SPATA13: variants seen among roughly 807,000 people sequenced by gnomAD.
SPATA13 encodes the protein spermatogenesis associated 13.
Under a neutral mutation model 104.0 loss-of-function variants are expected in SPATA13, and 50 were observed. That is an observed-to-expected ratio of 0.48 (90% CI 0.38 to 0.61). The LOEUF is 0.61. Ranked by LOEUF, SPATA13 falls within the 20% of genes least tolerant of loss-of-function variation. The probability of loss-of-function intolerance (pLI) is 0.00; values close to 1 mark genes in which losing one functional copy is unlikely to be tolerated. For synonymous variants in SPATA13, 606 were observed against 667.5 expected (o/e 0.91, Z 1.42); for missense variants, 1,524 against 1,690.6 (o/e 0.90, Z 1.73).
chr13:24,021,698 T>G (rs1407597851), intron 3 of SPATA13, among the ~76,000 whole-genome samples: 1 of 151,562 alleles, frequency 6.6e-6, no homozygotes, highest in South Asian at 2.1e-4. Flanking sequence ...TCATACTCTG[T>G]GAAGGTTGTT....
chr13:23,988,176 C>T (rs1875241992), intron 2 of SPATA13, among the ~76,000 whole-genome samples: 1 of 152,086 alleles, frequency 6.6e-6, no homozygotes, highest in African/African-American at 2.4e-5. Flanking sequence ...AACTCCTGAC[C>T]CCTCAGGTGA....
intron 3 of SPATA13, among the ~76,000 whole-genome samples, chr13:24,135,285 A>T (rs982869527): frequency 6.6e-6 from 1 of 152,220 alleles, no homozygotes; most frequent in African/African-American, 2.4e-5. Context: ...AAGAGACAGT[A>T]CAACAATTTT....
intron 3 of SPATA13, among the ~76,000 whole-genome samples, chr13:24,130,880 C>G (rs946302816): frequency 6.6e-6 from 1 of 152,120 alleles, no homozygotes; most frequent in East Asian, 1.9e-4. Flanking sequence ...TGTAAGGAGC[C>G]GGGAATCTCT....
At chr13:24,188,604 G>C (rs1425851237) in intron 1 of SPATA13, among the ~76,000 whole-genome samples, 1 of 152,216 alleles carries the variant, frequency 6.6e-6, no homozygotes, top group Non-Finnish European at 1.5e-5. Context: ...AGCCATCTCT[G>C]TAACATAAGT....
intron 3 of SPATA13, among the ~76,000 whole-genome samples, chr13:24,097,020 A>C (rs1246751364): frequency 1.3e-5 from 2 of 152,248 alleles, no homozygotes; most frequent in Non-Finnish European, 2.9e-5. Flanking sequence ...CAAGGAGCCT[A>C]GTTAGAGGTG....
chr13:24,204,283 C>T (rs988780672), intron 1 of SPATA13, among the ~76,000 whole-genome samples: 1 of 152,100 alleles, frequency 6.6e-6, no homozygotes. Context: ...GATGAAAAAT[C>T]TGAAGAAACA....
At chr13:23,998,414 C>T (rs1875794198) in intron 2 of SPATA13, among the ~76,000 whole-genome samples, 1 of 152,044 alleles carries the variant, frequency 6.6e-6, no homozygotes, top group Admixed American at 6.5e-5. Flanking sequence ...CCATTTTTAT[C>T]AGGTTGTTTT....
chr13:24,135,804 G>A lies in SPATA13; in HGVS notation c.-111-87015G>A, dbSNP rs528746858. ...TACTGCTGGGTGAGGGGAACTGTAAGGAAATGCCAGTGTATTTACTGAAAG... is the reference window on the plus strand; with the variant it reads ...TACTGCTGGGTGAGGGGAACTGTAAAGAAATGCCAGTGTATTTACTGAAAG... On this transcript the variant is annotated intron_variant, in intron 3 of 14. Transcript: ENST00000424834. Among the ~76,000 whole-genome samples, 9 of 152,126 alleles carry A rather than the reference G, an allele frequency of 5.9e-5. No individual in the cohort carries two copies. In the East Asian group the frequency reaches 1.4e-3, roughly 23 times the overall value.
chr13:24,154,443 T>A (rs767140809), intron 3 of SPATA13, among the ~76,000 whole-genome samples: 36 of 152,202 alleles, frequency 2.4e-4, no homozygotes, highest in Admixed American at 1.3e-3. Flanking sequence ...CCTGCATGAC[T>A]CCATTTATAT....
intron 3 of SPATA13, among the ~76,000 whole-genome samples, chr13:24,119,773 G>A (rs76014198): frequency 0.022 from 3,282 of 152,264 alleles, 84 homozygotes; most frequent in East Asian, 0.097. Context: ...GCCAAGGAAG[G>A]AAGCCTGGGA....
intron 3 of SPATA13, among the ~76,000 whole-genome samples, chr13:24,127,223 C>T (rs1881247706): frequency 1.3e-5 from 2 of 152,112 alleles, no homozygotes; most frequent in African/African-American, 2.4e-5. Context: ...CAGAGCTTAC[C>T]CAGGCTGGTA....
chr13:24,209,761 C>A (rs1018218130), intron 1 of SPATA13, among the ~76,000 whole-genome samples: 2 of 151,768 alleles, frequency 1.3e-5, no homozygotes, highest in African/African-American at 4.9e-5. Flanking sequence ...GTGTTGATTT[C>A]GTTTTTTTGG....
intron 1 of SPATA13, among the ~76,000 whole-genome samples, chr13:24,210,085 C>G (rs1330708803): frequency 1.3e-5 from 2 of 151,962 alleles, no homozygotes; most frequent in African/African-American, 4.8e-5. Context: ...ATGTTCAGTT[C>G]CTTTGTACAT....
Position 24,294,844 on chromosome 13 carries a change from G to T in SPATA13, c.3186G>T (p.Trp1062Cys). Residue 1062 changes from tryptophan to cysteine, a missense_variant, in exon 10 of 13, where the codon TGG becomes TGT. Physicochemically the swap from Trp to Cys is radical, Grantham distance 215. Around this residue, in one of 2 missense-constraint regions of SPATA13, gnomAD observed 435 missense variants for 554.8 expected, o/e 0.78. Coordinates refer to ENST00000382108, the MANE Select transcript of SPATA13 (RefSeq NM_001166271.3). Reference protein sequence around the residue: ...KLESIDKIARWQVSIVGWEGL... With the variant: ...KLESIDKIARCQVSIVGWEGL... ...AGAGCATCGACAAGATAGCTCGCTG[G>T]CAGGTGTCTATCGTGGGCTGGGAGG... The T allele has an allele frequency of 1.2e-6, 2 of 1,610,416 alleles. No individual in the cohort carries two copies. Among genetic ancestry groups the T allele is most frequent in the Non-Finnish European group, 1.7e-6 (2 of 1,176,792 alleles).
At chr13:24,036,244 C>T (rs1250948410) in intron 3 of SPATA13, among the ~76,000 whole-genome samples, 1 of 152,114 alleles carries the variant, frequency 6.6e-6, no homozygotes, top group African/African-American at 2.4e-5. Flanking sequence ...GTAGGAACGA[C>T]AGTGTTTTGG....
chr13:24,222,228 T>C (rs7318203), intron 1 of SPATA13, among the ~76,000 whole-genome samples: 47,236 of 152,096 alleles, frequency 0.31, 7,508 homozygotes, highest in East Asian at 0.5. Flanking sequence ...ATGTCCTTGC[T>C]GAGTCCTTCC....
intron 2 of SPATA13, among the ~76,000 whole-genome samples, chr13:23,987,077 G>GTGTGGCCAGAGTAGCC: frequency 6.7e-6 from 1 of 149,542 alleles, no homozygotes; most frequent in Admixed American, 6.7e-5. Context: ...CCCATAGGCA[G>GTGTGGCCAGAGTAGCC]TGGATTGATA....
intron 7 of SPATA13, 53 bp downstream of exon 7, chr13:24,287,003 G>C: frequency 4.5e-6 from 7 of 1,543,322 alleles, no homozygotes; most frequent in Non-Finnish European, 6.2e-6. Context: ...GGCTGCATGA[G>C]GTGCCTGGGC....
In SPATA13 at chr13:24,058,476, G is replaced by A. The variant is rs186015416; in HGVS notation, c.-112+40775G>A. On this transcript the variant is annotated intron_variant, in intron 3 of 14. Transcript: ENST00000424834. ...TTTGCCTTGGGTGATTACTGTATAC[G>A]GGACAAAGGAACAGCTCACACATGT... Among the ~76,000 whole-genome samples the A allele has an allele frequency of 1.2e-3, 181 of 151,840 alleles. 5 individuals carry two copies. The highest frequency in any genetic ancestry group is 2.1e-3 in the Non-Finnish European group (144 of 67,830).
Sources: allele counts gnomAD v4.1 joint callset (sites outside exome capture counted in the v4.1 genomes callset), GRCh38; gene constraint gnomAD v4.1.1; regional missense constraint gnomAD v4.1.1; transcripts MANE v1.5; gene names NCBI Gene and HGNC (gene_info 2026-07-23, HGNC 2026-07-21).